The following TSPAN12 variants were observed in gnomAD, a reference collection of about 807,000 sequenced individuals.
The protein encoded by TSPAN12 is tetraspanin-12.
A neutral mutation model predicts 39.2 loss-of-function variants in TSPAN12; 19 were observed. The ratio of observed to expected loss-of-function variants is 0.49; its 90% CI spans 0.34 to 0.71. The LOEUF (loss-of-function observed/expected upper bound fraction) is 0.71. Ranked by LOEUF, TSPAN12 falls within the 30% of genes least tolerant of loss-of-function variation. The pLI, the probability that TSPAN12 is intolerant of heterozygous loss-of-function variation, is 0.01. For synonymous variants in TSPAN12, 119 were observed against 124.8 expected (o/e 0.95, Z 0.31); for missense variants, 314 against 359.9 (o/e 0.87, Z 1.03).
intron 7 of TSPAN12, among the ~76,000 whole-genome samples, chr7:120,801,729 C>T (rs115941456): frequency 6.6e-6 from 1 of 152,106 alleles, no homozygotes; most frequent in Non-Finnish European, 1.5e-5. Flanking sequence ...AGGTAGCACA[C>T]AGAGGAGTAA....
intron 1 of TSPAN12, 166 bp from the exon 2 acceptor site, chr7:120,856,999 A>G: frequency 1.7e-6 from 1 of 593,174 alleles, no homozygotes; most frequent in Non-Finnish European, 3.0e-6. Flanking sequence ...CATAATGGTA[A>G]CTAAACTCCC....
At chr7:120,803,771 A>C (rs1793818193) in intron 7 of TSPAN12, among the ~76,000 whole-genome samples, 1 of 152,216 alleles carries the variant, frequency 6.6e-6, no homozygotes, top group African/African-American at 2.4e-5. Flanking sequence ...GCACATGCAC[A>C]ATAGTATGGC....
intron 6 of TSPAN12, among the ~76,000 whole-genome samples, 160 bp downstream of exon 6, chr7:120,810,303 A>AGG (rs1344324839): frequency 6.6e-6 from 1 of 152,228 alleles, no homozygotes; most frequent in Non-Finnish European, 1.5e-5. Context: ...CCATGAAGTT[A>AGG]CCTAAGATAT....
At chr7:120,808,621 T>C (rs973369931) in intron 6 of TSPAN12, among the ~76,000 whole-genome samples, 9 of 152,132 alleles carry the variant, frequency 5.9e-5, no homozygotes, top group Non-Finnish European at 7.4e-5. Context: ...CCAACTACTA[T>C]GTTAAAATAA....
chr7:120,840,660 A>G (rs1584949529), intron 2 of TSPAN12, among the ~76,000 whole-genome samples: 2 of 152,232 alleles, frequency 1.3e-5, no homozygotes, highest in East Asian at 3.8e-4. Flanking sequence ...ATAAACTCAT[A>G]ATGAACAAAA....
chr7:120,807,152 A>C (rs114363743), intron 6 of TSPAN12, among the ~76,000 whole-genome samples: 3,325 of 152,236 alleles, frequency 0.022, 117 homozygotes, highest in African/African-American at 0.076. Context: ...ACCAAAGCCC[A>C]CATCACAAAA....
chr7:120,856,107 A>AT (rs996800445), intron 2 of TSPAN12, among the ~76,000 whole-genome samples: 7 of 152,046 alleles, frequency 4.6e-5, no homozygotes, highest in African/African-American at 1.7e-4. Context: ...TGGTTATGGG[A>AT]TTTTCCAAAA....
intron 4 of TSPAN12, among the ~76,000 whole-genome samples, chr7:120,828,921 TTC>T (rs1794339447): frequency 6.6e-6 from 1 of 152,146 alleles, no homozygotes; most frequent in African/African-American, 2.4e-5. Context: ...TTTAATAAAA[TTC>T]TGTTATTTCA....
At chr7:120,852,320 G>A (rs1794785301) in intron 2 of TSPAN12, among the ~76,000 whole-genome samples, 1 of 152,076 alleles carries the variant, frequency 6.6e-6, no homozygotes, top group Admixed American at 6.6e-5. Flanking sequence ...TCACCTCATG[G>A]GTAATGGGGA....
chr7:120,810,504 A>G lies in TSPAN12; in HGVS notation c.427T>C (p.Tyr143His). The G allele has an allele frequency of 1.2e-6, 2 of 1,613,930 alleles. No individual in the cohort carries two copies. Among genetic ancestry groups the G allele is most frequent in the Non-Finnish European group, 8.5e-7 (1 of 1,179,892 alleles). The change falls in exon 6 of 8, where the codon TAT (tyrosine) becomes CAT (histidine). Residue 143 changes from tyrosine (Y) to histidine (H), a missense_variant. By Grantham distance (83) the Tyr-to-His change is moderately conservative (BLOSUM62 2). Coordinates refer to ENST00000222747, the MANE Select transcript of TSPAN12 (RefSeq NM_012338.4). ...ARMTNYGLPR[Y>H]RWLTHAWNFF... Reference sequence around the variant, plus strand: ...TTCCAAGCATGAGTAAGCCACCGATATCTAGGTAATCCATAATTTGTCATC... The same window carrying G: ...TTCCAAGCATGAGTAAGCCACCGATGTCTAGGTAATCCATAATTTGTCATC...
At chr7:120,805,350 C>A (rs545371508) in intron 7 of TSPAN12, among the ~76,000 whole-genome samples, 2 of 152,140 alleles carry the variant, frequency 1.3e-5, no homozygotes, top group Admixed American at 1.3e-4. Context: ...TCAACAACTG[C>A]CTTTGGCAGA....
chr7:120,813,403 G>A (rs955985143), intron 5 of TSPAN12, among the ~76,000 whole-genome samples: 1 of 152,186 alleles, frequency 6.6e-6, no homozygotes, highest in African/African-American at 2.4e-5. Context: ...CAGGACTCAG[G>A]AGCTATTTGC....
chr7:120,810,488 T>A lies in TSPAN12; in HGVS notation c.443A>T (p.His148Leu). The A allele has an allele frequency of 6.2e-7, 1 of 1,613,612 alleles. No homozygotes were observed. Among genetic ancestry groups the A allele is most frequent in the South Asian group, 1.1e-5 (1 of 91,068 alleles). ...CTCTCTCTGAAAAAAATTCCAAGCA[T>A]GAGTAAGCCACCGATATCTAGGTAA... is the stretch of plus-strand genomic sequence containing the variant. ...YGLPRYRWLT[H>L]AWNFFQREFK... Residue 148 changes from histidine (H) to leucine (L), a missense_variant, in exon 6 of 8, where the codon CAT becomes CTT. By Grantham distance (99) the His-to-Leu change is moderately conservative. Coordinates refer to ENST00000222747, the MANE Select transcript of TSPAN12 (RefSeq NM_012338.4).
upstream of TSPAN12, chr7:120,858,257 A>G (rs1346277469): frequency 6.6e-6 from 1 of 152,300 alleles, no homozygotes; most frequent in African/African-American, 2.4e-5. Flanking sequence ...GGTCCAGAAG[A>G]TAATGCCTAG....
intron 4 of TSPAN12, among the ~76,000 whole-genome samples, chr7:120,824,276 CAA>C (rs56316348): frequency 1.5e-4 from 19 of 124,558 alleles, no homozygotes; most frequent in East Asian, 2.4e-4. Context: ...ACTAAAAATG[CAA>C]AAAAAAAAAA....
chr7:120,852,366 C>A (rs1794785850), intron 2 of TSPAN12, among the ~76,000 whole-genome samples: 1 of 152,088 alleles, frequency 6.6e-6, no homozygotes, highest in Admixed American at 6.5e-5. Context: ...GAGGGAGGAA[C>A]AATCTCCCTC....
chr7:120,811,780 T>C (rs1421179648), intron 5 of TSPAN12, among the ~76,000 whole-genome samples: 1 of 152,160 alleles, frequency 6.6e-6, no homozygotes, highest in Non-Finnish European at 1.5e-5. Context: ...AGACCAATAT[T>C]CTAAGTGAAG....
chr7:120,839,559 T>C (rs575109884), intron 3 of TSPAN12, among the ~76,000 whole-genome samples: 2 of 152,330 alleles, frequency 1.3e-5, no homozygotes, highest in African/African-American at 2.4e-5. Context: ...TGTCATATAA[T>C]ACAATCTCCA....
intron 6 of TSPAN12, among the ~76,000 whole-genome samples, chr7:120,808,828 T>A (rs1388871947): frequency 6.6e-6 from 1 of 151,994 alleles, no homozygotes; most frequent in Non-Finnish European, 1.5e-5. Flanking sequence ...CCCAAATGCA[T>A]ATGTTGAAAT....
Sources: gnomAD v4.1 joint callset for allele counts (sites outside exome capture counted in the v4.1 genomes callset) on GRCh38, gnomAD v4.1.1 for gene constraint, MANE v1.5 for transcripts, NCBI Gene and HGNC (gene_info 2026-07-23, HGNC 2026-07-21) for gene names.